FAAP20: variants seen among roughly 807,000 people sequenced by gnomAD.
FAAP20 encodes FA core complex associated protein 20, also known as Fanconi anemia core complex-associated protein 20.
A neutral mutation model predicts 16.2 loss-of-function variants in FAAP20; 12 were observed. The observed-to-expected ratio is 0.74, with a 90% CI of 0.48 to 1.20. FAAP20 has a LOEUF of 1.20. Among genes scored for constraint, FAAP20 ranks in the 50% most tolerant of loss-of-function variants. FAAP20 has a pLI of 0.00. For missense variants in FAAP20, 288 were observed against 245.8 expected, an observed-to-expected ratio of 1.17 and a Z score of -1.15; for synonymous variants, 141 against 110.7, an observed-to-expected ratio of 1.27 and a Z score of -1.72.
intron 3 of FAAP20, among the ~76,000 whole-genome samples, chr1:2,206,093 G>A (rs1251160089): frequency 6.6e-6 from 1 of 152,248 alleles, no homozygotes; most frequent in Non-Finnish European, 1.5e-5. Context: ...TGGGAGGGGG[G>A]CAGGGCCTTT....
downstream of FAAP20, among the ~76,000 whole-genome samples, chr1:2,209,024 C>G (rs1188531885): frequency 6.6e-6 from 1 of 152,214 alleles, no homozygotes; most frequent in East Asian, 1.9e-4. Flanking sequence ...TCCACCCTGG[C>G]CTGTCAAGAG....
chr1:2,190,378 C>T (rs1688070685), intron 3 of FAAP20: 2 of 450,804 alleles, frequency 4.4e-6, no homozygotes, highest in Admixed American at 2.4e-5. Context: ...GGATGGTGGC[C>T]GGCCAGGCAG....
At chr1:2,199,126 G>A (rs1688941232), upstream of FAAP20, 11 of 1,185,404 alleles carry the variant, frequency 9.3e-6, no homozygotes, top group Non-Finnish European at 1.2e-5. The surrounding 1 kb of genome is among the most constrained non-coding windows in gnomAD (Gnocchi z 4.5). Context: ...GAGGGCCCTG[G>A]CCCGGGAGAG....
At chr1:2,207,108 G>A (rs546260439) in intron 1 of FAAP20, among the ~76,000 whole-genome samples, 2 of 152,100 alleles carry the variant, frequency 1.3e-5, no homozygotes, top group Non-Finnish European at 2.9e-5. Context: ...GGAGGTGAGT[G>A]GGGGGCCAGT....
chr1:2,208,024 A>G (rs533215903), downstream of FAAP20, among the ~76,000 whole-genome samples: 217 of 152,156 alleles, frequency 1.4e-3, no homozygotes, highest in Non-Finnish European at 2.6e-3. Flanking sequence ...GTGTGTGGAC[A>G]TGCGTGCGGT....
In FAAP20 at chr1:2,189,851, C is replaced by T. The variant is rs899098361; in HGVS notation, c.471-70G>A. ...CTGGCCGCAGAGAGCACCGTCTGGA[C>T]CTCCGGGCCCTCTCTGCTCCTGCCG... On this transcript the variant is annotated intron_variant, in intron 3 of 3. Coordinates refer to ENST00000378546, the MANE Select transcript of FAAP20 (RefSeq NM_182533.4). The T allele has an allele frequency of 2.5e-6, 3 of 1,188,028 alleles. No individual in the cohort carries two copies. The African/African-American group carries it at 4.5e-5, about 18-fold the overall frequency. The allele number at this position is 1,188,028 out of a possible 1,614,324, so 73.6% of individuals were successfully genotyped here.
downstream of FAAP20, among the ~76,000 whole-genome samples, chr1:2,210,998 G>A (rs1380649650): frequency 2.0e-5 from 3 of 152,278 alleles, no homozygotes; most frequent in African/African-American, 4.8e-5. Context: ...GCCCTGCAGC[G>A]CCTGTCTTGC....
upstream of FAAP20, among the ~76,000 whole-genome samples, chr1:2,201,590 C>T (rs574645825): frequency 6.6e-5 from 10 of 152,252 alleles, no homozygotes; most frequent in East Asian, 1.2e-3. Flanking sequence ...GGCGTGGTGC[C>T]GTGCGCCCAT....
chr1:2,200,749 G>A (rs568563970), upstream of FAAP20: 3 of 990,788 alleles, frequency 3.0e-6, no homozygotes, highest in Admixed American at 6.0e-5. Flanking sequence ...GGGAGCCCTC[G>A]GTCTCCTGTC....
upstream of FAAP20, chr1:2,199,194 C>CA: frequency 8.5e-7 from 1 of 1,171,104 alleles, no homozygotes; most frequent in Non-Finnish European, 1.1e-6. This position sits in a 1 kb window ranked among gnomAD's most constrained non-coding sequence, Gnocchi z 4.5. Flanking sequence ...GGCCAGCATC[C>CA]CCGACCAGAC....
At chr1:2,200,198 C>T (rs1157048463), upstream of FAAP20, 1 of 150,340 alleles carries the variant, frequency 6.7e-6, no homozygotes, top group Non-Finnish European at 1.5e-5. Context: ...GAGTTCGAGA[C>T]CAGCCTGAAA....
At chr1:2,195,704 C>T (rs373079218), upstream of FAAP20, among the ~76,000 whole-genome samples, 7 of 152,234 alleles carry the variant, frequency 4.6e-5, no homozygotes, top group East Asian at 1.9e-4. Flanking sequence ...GAGCCCGGCC[C>T]TGAACCCAGG....
downstream of FAAP20, among the ~76,000 whole-genome samples, chr1:2,208,375 C>G (rs867648338): frequency 2.6e-5 from 4 of 152,214 alleles, no homozygotes; most frequent in African/African-American, 7.2e-5. Flanking sequence ...TCTCTGCCCC[C>G]CTCCTGGCAA....
chr1:2,201,385 G>C (rs1393305333), upstream of FAAP20, among the ~76,000 whole-genome samples: 1 of 152,202 alleles, frequency 6.6e-6, no homozygotes, highest in African/African-American at 2.4e-5. Context: ...CGGGGGCTTA[G>C]GTCTTCTTTG....
chr1:2,193,715 C>A lies in FAAP20; in HGVS notation c.394G>T (p.Val132Leu). Residue 132 changes from valine to leucine, a missense_variant, in exon 3 of 4, where the codon GTG (valine) becomes TTG (leucine). Transcript: ENST00000378546. ...PAPDPCRAPRVEQQPSVEGAA... is the reference protein window; with the variant it reads ...PAPDPCRAPRLEQQPSVEGAA... ...CCCTCCACAGACGGCTGCTGCTCCA[C>A]CCTGGGGGCCCTGCAGGGATCAGGT... 2 of 1,590,044 alleles carry A rather than the reference C, an allele frequency of 1.3e-6. No homozygotes were observed. The highest frequency in any genetic ancestry group is 1.7e-6 in the Non-Finnish European group (2 of 1,172,494).
At chr1:2,194,886 A>T, upstream of FAAP20, 1 of 800,402 alleles carries the variant, frequency 1.2e-6, no homozygotes, top group Non-Finnish European at 1.5e-6. Context: ...AGGGGCCCTG[A>T]TCCCAGCCTG....
chr1:2,210,642 C>T (rs993491948), downstream of FAAP20, among the ~76,000 whole-genome samples: 4 of 152,208 alleles, frequency 2.6e-5, no homozygotes, highest in Non-Finnish European at 5.9e-5. Flanking sequence ...CAGCACTAGT[C>T]CCTTTTGCAA....
At chr1:2,208,847 A>G (rs922453369), downstream of FAAP20, among the ~76,000 whole-genome samples, 2 of 152,016 alleles carry the variant, frequency 1.3e-5, no homozygotes, top group African/African-American at 2.4e-5. Flanking sequence ...AAGTGTTCAG[A>G]AAAAAAATAG....
At chr1:2,210,468 C>G (rs1267859948), downstream of FAAP20, among the ~76,000 whole-genome samples, 1 of 152,190 alleles carries the variant, frequency 6.6e-6, no homozygotes, top group Admixed American at 6.5e-5. Flanking sequence ...CCCTCCACGC[C>G]TGCTTTGGGG....
Sources: allele counts gnomAD v4.1 joint callset (sites outside exome capture counted in the v4.1 genomes callset), GRCh38; gene constraint gnomAD v4.1.1; non-coding constraint Gnocchi (gnomAD v3.1); transcripts MANE v1.5; gene names NCBI Gene and HGNC (gene_info 2026-07-23, HGNC 2026-07-21).